The following PPL variants were observed in gnomAD, a reference collection of about 807,000 sequenced individuals.
PPL encodes periplakin, also known as 190 kDa paraneoplastic pemphigus antigen.
PPL carries 198 observed loss-of-function variants against 194.4 expected under a neutral mutation model. The ratio of observed to expected loss-of-function variants is 1.02; its 90% CI spans 0.91 to 1.15. The LOEUF is 1.15. Among genes scored for constraint, PPL ranks in the 50% most tolerant of loss-of-function variants. PPL has a pLI of 0.00. For missense variants in PPL, 2,885 were observed against 2,294.8 expected (o/e 1.26, Z -5.25); for synonymous variants, 1,220 against 972.4 (o/e 1.25, Z -4.74).
rs929766355 is a variant in PPL at position 4,899,086 on chromosome 16, T to C, written c.803A>G (p.Glu268Gly). The C allele has an allele frequency of 8.1e-6, 13 of 1,613,278 alleles. No homozygotes were observed. The Admixed American group carries it at 1.3e-4, about 17-fold the overall frequency. ...CTCGCTGTGCAGTTTGTTGATTCTC[T>C]CCTCTTTGGCCTCCAGGTTCCGGTT... The part of the protein sequence containing the change: ...FINRNLEAKE[E>G]RINKLHSEGD... The change falls in exon 8 of 22, where the codon GAG becomes GGG. Residue 268 changes from glutamate to glycine, a missense_variant. Coordinates refer to ENST00000345988, the MANE Select transcript of PPL (RefSeq NM_002705.5).
intron 1 of PPL, among the ~76,000 whole-genome samples, chr16:4,936,579 C>T (rs1254316714): frequency 6.6e-6 from 1 of 152,228 alleles, no homozygotes; most frequent in African/African-American, 2.4e-5. Context: ...GCGACCCCGC[C>T]TTGAGTGCCC....
rs777199707 is a variant in PPL at position 4,885,777 on chromosome 16, C to G, written c.2878G>C (p.Glu960Gln). 1 of 1,610,828 alleles carries G rather than the reference C, an allele frequency of 6.2e-7. No homozygotes were observed. Among genetic ancestry groups the G allele is most frequent in the East Asian group, 2.2e-5 (1 of 44,846 alleles). Residue 960 changes from glutamate to glutamine, a missense_variant, in exon 22 of 22, where the codon GAG (glutamate) becomes CAG (glutamine). Physicochemically the swap from Glu to Gln is conservative, Grantham distance 29. Coordinates refer to ENST00000345988, the MANE Select transcript of PPL (RefSeq NM_002705.5). This position sits in a 1 kb window ranked among gnomAD's most constrained non-coding sequence, Gnocchi z 6.3. The stretch of plus-strand genomic sequence containing the variant: ...TGCAGCAGCTGGTTCTTGTGCTGCT[C>G]CTCTGCCAGCGTCCGCTGCAGCTGC... ...FQQLQRTLAE[E>Q]QHKNQLLQEE...
rs187753048 is a variant in PPL at position 4,887,060 on chromosome 16, T to C, written c.2607+75A>G. 6 of 1,260,992 alleles carry C rather than the reference T, an allele frequency of 4.8e-6. No individual in the cohort carries two copies. The East Asian group carries it at 1.4e-4, about 29-fold the overall frequency. The allele number at this position is 1,260,992 out of a possible 1,614,324, so 78.1% of individuals were successfully genotyped here. A position where few individuals can be genotyped will look rare whatever the true frequency, so the allele number is the denominator to read the frequency against. ...GACACTTCCATCAATTCACAAACCA[T>C]TTCTCTAAGACAGAGTCTGTATTTG... is the stretch of plus-strand genomic sequence containing the variant. On this transcript the variant is annotated intron_variant, in intron 21 of 21. Coordinates refer to ENST00000345988, the MANE Select transcript of PPL (RefSeq NM_002705.5).
intron 1 of PPL, among the ~76,000 whole-genome samples, chr16:4,922,787 A>AT (rs755039844): frequency 1.5e-5 from 1 of 65,798 alleles, no homozygotes; most frequent in Non-Finnish European, 5.6e-5. Flanking sequence ...GTTCACGCTG[A>AT]TCCTGGTGCA....
chr16:4,884,488 C>T lies in PPL; in HGVS notation c.4167G>A (p.Leu1389=). ...LRQIDKLRAE[L]RRLQRRRTEL... ...CGGTGCGCCGGCGCTGCAGCCGCCG[C>T]AGCTCTGCCCGCAGCTTGTCAATCT... The change falls in exon 22 of 22, where the codon CTG becomes CTA. Residue 1389 remains leucine, a synonymous_variant. Coordinates refer to ENST00000345988, the MANE Select transcript of PPL (RefSeq NM_002705.5). This position sits in a 1 kb window ranked among gnomAD's most constrained non-coding sequence, Gnocchi z 5.7. 6.2e-7 allele frequency: 1 copy of T among 1,606,286 alleles called. No homozygotes were observed. The highest frequency in any genetic ancestry group is 8.5e-7 in the Non-Finnish European group (1 of 1,178,538).
chr16:4,923,638 G>C (rs1048535209), intron 1 of PPL, among the ~76,000 whole-genome samples: 2 of 152,356 alleles, frequency 1.3e-5, no homozygotes, highest in African/African-American at 4.8e-5. Context: ...CCTGGCCAGG[G>C]CAGGGAACGT....
intron 1 of PPL, among the ~76,000 whole-genome samples, chr16:4,935,352 G>A (rs370336222): frequency 6.6e-6 from 1 of 152,298 alleles, no homozygotes; most frequent in Non-Finnish European, 1.5e-5. Context: ...CCCACCACTG[G>A]TATGTGGGTG....
At chr16:4,904,092 G>T (rs369059526) in intron 2 of PPL, 52 bp from the exon 3 acceptor site, 2 of 1,562,454 alleles carry the variant, frequency 1.3e-6, no homozygotes, top group East Asian at 2.3e-5. Context: ...GAGCGGGCAC[G>T]GTGGCAATGG....
Position 4,885,129 on chromosome 16 carries a change from C to G in PPL, c.3526G>C (p.Glu1176Gln), listed in dbSNP as rs1456320494. 4 of 1,613,902 alleles carry G rather than the reference C, an allele frequency of 2.5e-6. No homozygotes were observed. Among genetic ancestry groups the G allele is most frequent in the African/African-American group, 2.7e-5 (2 of 74,912 alleles). Reference sequence around the variant, plus strand: ...GCCTTGGGGTCTGGCCGCACGATCTCCCGCACCTTCTCCTGCACCACCACT... The same window carrying G: ...GCCTTGGGGTCTGGCCGCACGATCTGCCGCACCTTCTCCTGCACCACCACT... ...AKVVVQEKVREIVRPDPKAES... is the reference protein window; with the variant it reads ...AKVVVQEKVRQIVRPDPKAES... The change falls in exon 22 of 22, where the codon GAG (glutamate) becomes CAG (glutamine). Residue 1176 changes from glutamate to glutamine, a missense_variant. By Grantham distance (29) the Glu-to-Gln change is conservative. Coordinates refer to ENST00000345988, the MANE Select transcript of PPL (RefSeq NM_002705.5). The surrounding 1 kb of genome is among the most constrained non-coding windows in gnomAD (Gnocchi z 6.3).
At position 4,884,715 on chromosome 16, in the gene PPL, T is replaced by C. The variant is rs961330475; in HGVS notation, c.3940A>G (p.Lys1314Glu). 6.2e-7 allele frequency: 1 copy of C among 1,614,128 alleles called. No homozygotes were observed. ...TKEEVASLRA[K>E]LSEEQKKQVD... ...TGTTTCTTCTGCTCCTCTGAGAGCTTTGCCCTCAGAGACGCCACCTCCTCC... is the reference window on the plus strand; with the variant it reads ...TGTTTCTTCTGCTCCTCTGAGAGCTCTGCCCTCAGAGACGCCACCTCCTCC... The change falls in exon 22 of 22, where the codon AAG (lysine) becomes GAG (glutamate). Residue 1314 changes from lysine to glutamate, a missense_variant. Lys to Glu is a moderately conservative substitution (Grantham distance 56). Coordinates refer to ENST00000345988, the MANE Select transcript of PPL (RefSeq NM_002705.5). This position sits in a 1 kb window ranked among gnomAD's most constrained non-coding sequence, Gnocchi z 5.7.
chr16:4,900,964 C>T lies in PPL; in HGVS notation c.564G>A (p.Lys188=). ...CCCACCACACCAGCACACGCCCCAC[C>T]TTGTCCCCGTCCTTGGCCAGGTGGG... is the stretch of plus-strand genomic sequence containing the variant. ...IGPHLAKDGD[K]EQNSELRAKY... Residue 188 remains lysine (K), a splice_region_variant and synonymous_variant, in exon 5 of 22, where the codon AAG becomes AAA. Coordinates refer to ENST00000345988, the MANE Select transcript of PPL (RefSeq NM_002705.5). 6.2e-7 allele frequency: 1 copy of T among 1,614,144 alleles called. No homozygotes were observed. Among genetic ancestry groups the T allele is most frequent in the Non-Finnish European group, 8.5e-7 (1 of 1,180,020 alleles).
At chr16:4,908,908 T>C (rs558895600) in intron 2 of PPL, among the ~76,000 whole-genome samples, 1 of 152,342 alleles carries the variant, frequency 6.6e-6, no homozygotes, top group African/African-American at 2.4e-5. Flanking sequence ...ACACATATTA[T>C]TTTTGTTATG....
chr16:4,896,067 T>C (rs1394186149), intron 9 of PPL, among the ~76,000 whole-genome samples: 3 of 152,238 alleles, frequency 2.0e-5, no homozygotes, highest in Non-Finnish European at 4.4e-5. Context: ...AGCTTCTTTC[T>C]AGGTTTTGAT....
In PPL at chr16:4,885,025, C is replaced by T. The variant is rs768780615; in HGVS notation, c.3630G>A (p.Arg1210=). ...RKYRGAEEQL[R]SYQSELEALR... ...GGGCCTCCAGCTCACTCTGGTAGCT[C>T]CGGAGCTGCTCCTCGGCACCCCGGT... The change falls in exon 22 of 22, where the codon CGG becomes CGA. Residue 1210 remains arginine (R), a synonymous_variant. Transcript: ENST00000345988. The surrounding 1 kb of genome is among the most constrained non-coding windows in gnomAD (Gnocchi z 6.3). 3.1e-6 allele frequency: 5 copies of T among 1,613,704 alleles called. No individual in the cohort carries two copies. The African/African-American group carries it at 6.7e-5, about 22-fold the overall frequency.
chr16:4,907,432 C>T (rs1202400514), intron 2 of PPL, among the ~76,000 whole-genome samples: 1 of 151,536 alleles, frequency 6.6e-6, no homozygotes, highest in African/African-American at 2.4e-5. Flanking sequence ...GTTCGCTGTA[C>T]GGTTTTCTGC....
chr16:4,896,663 G>A (rs542583151), intron 9 of PPL, among the ~76,000 whole-genome samples: 64 of 146,992 alleles, frequency 4.4e-4, no homozygotes, highest in Non-Finnish European at 7.9e-4. Flanking sequence ...TTTTTGAGGC[G>A]GAGACTCACT....
chr16:4,914,530 C>G (rs934360061), intron 1 of PPL, among the ~76,000 whole-genome samples: 1 of 152,142 alleles, frequency 6.6e-6, no homozygotes, highest in South Asian at 2.1e-4. Flanking sequence ...CTGGATACAC[C>G]GGAGCTGGGG....
chr16:4,893,056 C>G, intron 14 of PPL, 157 bp downstream of exon 14: 2 of 970,580 alleles, frequency 2.1e-6, no homozygotes, highest in Non-Finnish European at 2.9e-6. Flanking sequence ...CCTGCCACCT[C>G]CATGACTTGG....
Position 4,885,771 on chromosome 16 carries a change from G to T in PPL, c.2884C>A (p.His962Asn), listed in dbSNP as rs144282072. 2.0e-4 allele frequency: 323 copies of T among 1,611,376 alleles called. No individual in the cohort carries two copies. Among genetic ancestry groups the T allele is most frequent in the Non-Finnish European group, 2.4e-4 (285 of 1,179,994 alleles). The change falls in exon 22 of 22, where the codon CAC becomes AAC. Residue 962 changes from histidine to asparagine, a missense_variant. Physicochemically the swap from His to Asn is moderately conservative, Grantham distance 68. Transcript: ENST00000345988. This position sits in a 1 kb window ranked among gnomAD's most constrained non-coding sequence, Gnocchi z 6.3. ...TCCTCCTGCAGCAGCTGGTTCTTGT[G>T]CTGCTCCTCTGCCAGCGTCCGCTGC... ...QLQRTLAEEQ[H>N]KNQLLQEELE...
Sources: allele counts gnomAD v4.1 joint callset (sites outside exome capture counted in the v4.1 genomes callset), GRCh38; gene constraint gnomAD v4.1.1; non-coding constraint Gnocchi (gnomAD v3.1); transcripts MANE v1.5; gene names NCBI Gene and HGNC (gene_info 2026-07-23, HGNC 2026-07-21).